STRA6: variants seen among roughly 807,000 people sequenced by gnomAD.
STRA6 encodes receptor for retinol uptake STRA6.
Under a neutral mutation model 83.6 loss-of-function variants are expected in STRA6, and 48 were observed. That is an observed-to-expected ratio of 0.57 (90% CI 0.46 to 0.73). The LOEUF (loss-of-function observed/expected upper bound fraction) is 0.73, where lower values mean the gene tolerates loss of function less well. Ranked by LOEUF, STRA6 falls within the 30% of genes least tolerant of loss-of-function variation. The pLI, the probability that STRA6 is intolerant of heterozygous loss-of-function variation, is 0.00. For missense variants in STRA6, 760 were observed against 838.8 expected (o/e 0.91, Z 1.16); for synonymous variants, 353 against 362.3 (o/e 0.97, Z 0.29).
chr15:74,193,158 T>C (rs1350958000), intron 8 of STRA6, among the ~76,000 whole-genome samples: 1 of 152,168 alleles, frequency 6.6e-6, no homozygotes, highest in Non-Finnish European at 1.5e-5. Flanking sequence ...TTCAAAAATA[T>C]TTGCTGAGTA....
At chr15:74,193,011 G>A (rs543074665) in intron 8 of STRA6, among the ~76,000 whole-genome samples, 1 of 152,304 alleles carries the variant, frequency 6.6e-6, no homozygotes, top group East Asian at 1.9e-4. Flanking sequence ...ACATATGGTA[G>A]GTGCTTAGAA....
chr15:74,189,257 C>G lies in STRA6; in HGVS notation c.948G>C (p.Val316=), dbSNP rs769243454. ...AIYQVALLLL[V]GVVPTIQKVR... is the part of the protein sequence containing the mutation. ...CCTTCTGGATAGTGGGTACCACGCC[C>G]ACCAGCAGCAGCAGGGCCACCTGGA... Residue 316 remains valine (V), a synonymous_variant, in exon 12 of 19, where the codon GTG becomes GTC. Transcript: ENST00000395105. The G allele has an allele frequency of 5.6e-6, 9 of 1,602,042 alleles. No individual in the cohort carries two copies. In the East Asian group the frequency reaches 2.0e-4, roughly 36 times the overall value.
At chr15:74,199,616 G>A (rs1368235925) in intron 2 of STRA6, among the ~76,000 whole-genome samples, 2 of 152,206 alleles carry the variant, frequency 1.3e-5, no homozygotes, top group Non-Finnish European at 2.9e-5. Context: ...CCTACCCCCA[G>A]AAATGCCCTC....
chr15:74,196,326 G>A (rs944089222), intron 4 of STRA6, 179 bp from the exon 5 acceptor site: 12 of 1,030,180 alleles, frequency 1.2e-5, no homozygotes, highest in Non-Finnish European at 1.7e-5. Context: ...TATCTACCAA[G>A]CTCTGGGCCC....
intron 14 of STRA6, chr15:74,183,140 G>C: frequency 6.2e-6 from 1 of 161,890 alleles, no homozygotes; most frequent in Admixed American, 5.6e-5. Flanking sequence ...GGGCTGGTAG[G>C]GGTCCTGGAA....
chr15:74,209,552 G>A (rs1567204697), upstream of STRA6: 1 of 1,030,752 alleles, frequency 9.7e-7, no homozygotes, highest in Non-Finnish European at 1.4e-6. Context: ...CTATTCCCAG[G>A]GGAAGTGAAA....
rs963964695 is a variant in STRA6 at position 74,188,722 on chromosome 15, C to T, written c.1090+393G>A. 3.3e-5 allele frequency among the ~76,000 whole-genome samples: 5 copies of T among 152,172 alleles called. No individual in the cohort carries two copies. Among genetic ancestry groups the T allele is most frequent in the Non-Finnish European group, 5.9e-5 (4 of 68,028 alleles). ...AAGAGAAAGCCTGTGCCCTGCCCAA[C>T]GCCAGACCCCTGCCACGAGGATTCG... is the stretch of plus-strand genomic sequence containing the variant. On this transcript the variant is annotated intron_variant, in intron 12 of 18. Coordinates refer to ENST00000395105, the MANE Select transcript of STRA6 (RefSeq NM_022369.4). This position sits in a 1 kb window ranked among gnomAD's most constrained non-coding sequence, Gnocchi z 4.5.
chr15:74,199,159 A>G (rs72747610), intron 2 of STRA6, among the ~76,000 whole-genome samples: 24,092 of 152,248 alleles, frequency 0.16, 2,485 homozygotes, highest in Non-Finnish European at 0.23. Context: ...GCCGCCCACC[A>G]AAACGCCCTC....
upstream of STRA6, among the ~76,000 whole-genome samples, chr15:74,211,088 A>G (rs2074360787): frequency 6.6e-6 from 1 of 151,952 alleles, no homozygotes; most frequent in Admixed American, 6.6e-5. Flanking sequence ...ATGATGTGCC[A>G]GGGTCAGTGA....
At chr15:74,189,489 T>C (rs1161872585) in intron 11 of STRA6, among the ~76,000 whole-genome samples, 1 of 152,204 alleles carries the variant, frequency 6.6e-6, no homozygotes, top group African/African-American at 2.4e-5. Context: ...GCCAAAGGCA[T>C]GCCTTCGAGC....
chr15:74,202,500 C>G (rs1567200103), intron 1 of STRA6: 2 of 1,529,588 alleles, frequency 1.3e-6, no homozygotes, highest in Non-Finnish European at 1.7e-6. Context: ...TCTCGTGTCC[C>G]CTCCTCCCTT....
At chr15:74,201,412 C>G (rs886537701) in intron 2 of STRA6, among the ~76,000 whole-genome samples, 1 of 152,166 alleles carries the variant, frequency 6.6e-6, no homozygotes, top group African/African-American at 2.4e-5. Flanking sequence ...GGGTCCTACA[C>G]AGGCAAGACA....
chr15:74,194,944 A>G (rs1303326257), intron 7 of STRA6: 3 of 1,424,030 alleles, frequency 2.1e-6, no homozygotes, highest in Non-Finnish European at 2.7e-6. Flanking sequence ...GCCTCCATCA[A>G]GCTTCACTCC....
At chr15:74,211,585 G>A (rs1188781446), upstream of STRA6, among the ~76,000 whole-genome samples, 1 of 151,976 alleles carries the variant, frequency 6.6e-6, no homozygotes, top group East Asian at 1.9e-4. Context: ...TGTATTTTTA[G>A]TAGAGATGAG....
intron 16 of STRA6, among the ~76,000 whole-genome samples, chr15:74,181,723 G>C (rs185863077): frequency 6.6e-6 from 1 of 152,268 alleles, no homozygotes; most frequent in Admixed American, 6.5e-5. Flanking sequence ...TTAACTCTAG[G>C]TCCATCTGAG....
chr15:74,206,232 G>A (rs2074258896), upstream of STRA6, among the ~76,000 whole-genome samples: 1 of 152,196 alleles, frequency 6.6e-6, no homozygotes, highest in Non-Finnish European at 1.5e-5. Context: ...GCCCCCAGCT[G>A]CCCTGCCCAG....
chr15:74,203,258 A>C, upstream of STRA6: 1 of 968,096 alleles, frequency 1.0e-6, no homozygotes, highest in Non-Finnish European at 1.2e-6. Flanking sequence ...TCACCCCCAC[A>C]AGGCGGAAAT....
chr15:74,196,303 GT>G, intron 4 of STRA6, 156 bp from the exon 5 acceptor site: 2 of 1,209,802 alleles, frequency 1.7e-6, no homozygotes, highest in Non-Finnish European at 2.3e-6. Context: ...ATAGATATTT[GT>G]GGAGTGCCTC....
intron 2 of STRA6, among the ~76,000 whole-genome samples, chr15:74,198,973 G>A (rs1335314321): frequency 6.6e-6 from 1 of 152,236 alleles, no homozygotes; most frequent in Non-Finnish European, 1.5e-5. Context: ...CCCTGGCCCT[G>A]GGAGAGTAGG....
Sources: allele counts gnomAD v4.1 joint callset (sites outside exome capture counted in the v4.1 genomes callset), GRCh38; gene constraint gnomAD v4.1.1; non-coding constraint Gnocchi (gnomAD v3.1); transcripts MANE v1.5; gene names NCBI Gene and HGNC (gene_info 2026-07-23, HGNC 2026-07-21).